The following PXDNL variants were observed in gnomAD, a reference collection of about 807,000 sequenced individuals.
PXDNL encodes the protein peroxidasin like.
Under a neutral mutation model 150.8 loss-of-function variants are expected in PXDNL, and 145 were observed. The observed-to-expected ratio is 0.96, with a 90% CI of 0.84 to 1.10. The LOEUF is 1.10. Among genes scored for constraint, PXDNL ranks in the 50% least tolerant of loss-of-function variants. The pLI, the probability that PXDNL is intolerant of heterozygous loss-of-function variation, is 0.00. For missense variants in PXDNL, 2,087 were observed against 1,873.9 expected (o/e 1.11, Z -2.10); for synonymous variants, 757 against 725.7 (o/e 1.04, Z -0.69).
chr8:51,679,085 G>T (rs1815690116), intron 1 of PXDNL, among the ~76,000 whole-genome samples: 1 of 152,214 alleles, frequency 6.6e-6, no homozygotes, highest in Non-Finnish European at 1.5e-5. Context: ...TCAGGTGGAT[G>T]CAGTCCTATG....
At chr8:51,559,202 A>G (rs985970127) in intron 3 of PXDNL, among the ~76,000 whole-genome samples, 7 of 151,858 alleles carry the variant, frequency 4.6e-5, no homozygotes, top group Non-Finnish European at 7.4e-5. Flanking sequence ...GAGAACTATA[A>G]TCTTCATGGG....
rs1018647002 is a variant in PXDNL at position 51,735,277 on chromosome 8, T to A, written c.164+73904A>T. On this transcript the variant is annotated intron_variant, in intron 1 of 22. Transcript: ENST00000356297. The stretch of plus-strand genomic sequence containing the variant: ...GAGTGGATCACTTGAGGTCAGGAGT[T>A]TGAGATCAGCCTGGTCAACATGGTG... 2.0e-5 allele frequency among the ~76,000 whole-genome samples: 3 copies of A among 151,918 alleles called. No homozygotes were observed. The East Asian group carries it at 5.9e-4, about 30-fold the overall frequency.
intron 17 of PXDNL, among the ~76,000 whole-genome samples, chr8:51,386,303 G>T (rs1807708590): frequency 6.6e-6 from 1 of 152,040 alleles, no homozygotes; most frequent in Non-Finnish European, 1.5e-5. Context: ...ATATCGGCCA[G>T]GCTGGTCTCG....
intron 1 of PXDNL, among the ~76,000 whole-genome samples, chr8:51,691,240 T>G (rs1462361934): frequency 1.3e-5 from 2 of 152,224 alleles, no homozygotes; most frequent in Non-Finnish European, 2.9e-5. Context: ...ATGAAGTCCT[T>G]GCCCATGCCT....
At chr8:51,641,931 C>T (rs1437436461) in intron 2 of PXDNL, among the ~76,000 whole-genome samples, 1 of 152,026 alleles carries the variant, frequency 6.6e-6, no homozygotes, top group African/African-American at 2.4e-5. Context: ...GCTCTATTCA[C>T]AATAGCAAAG....
intron 3 of PXDNL, among the ~76,000 whole-genome samples, chr8:51,588,546 A>G (rs1813376330): frequency 6.6e-6 from 1 of 152,230 alleles, no homozygotes; most frequent in African/African-American, 2.4e-5. Context: ...TGTGTATGTA[A>G]TTGATCCAAG....
chr8:51,493,003 C>T (rs555075950), intron 5 of PXDNL, among the ~76,000 whole-genome samples: 24 of 152,304 alleles, frequency 1.6e-4, no homozygotes, highest in African/African-American at 5.8e-4. Context: ...GTCTCTGAAC[C>T]CTGAGTAGCC....
intron 2 of PXDNL, among the ~76,000 whole-genome samples, chr8:51,625,639 A>G (rs1356243747): frequency 6.6e-6 from 1 of 152,214 alleles, no homozygotes; most frequent in Non-Finnish European, 1.5e-5. Context: ...TGATCAGAAC[A>G]TGATAGCACA....
intron 12 of PXDNL, among the ~76,000 whole-genome samples, chr8:51,433,657 C>T (rs10086763): frequency 0.038 from 5,765 of 152,182 alleles, 342 homozygotes; most frequent in African/African-American, 0.13. Context: ...TGCTGGTTTC[C>T]TAATTCATCA....
At chr8:51,559,829 G>A (rs2130553783) in intron 3 of PXDNL, among the ~76,000 whole-genome samples, 1 of 152,032 alleles carries the variant, frequency 6.6e-6, no homozygotes, top group East Asian at 1.9e-4. Flanking sequence ...GTATTAACAG[G>A]AAAGAAGAAA....
intron 1 of PXDNL, among the ~76,000 whole-genome samples, chr8:51,714,114 T>A (rs1816557859): frequency 6.6e-6 from 1 of 152,216 alleles, no homozygotes; most frequent in Non-Finnish European, 1.5e-5. Flanking sequence ...ATTAGAATAT[T>A]GTAATAAGTA....
chr8:51,606,450 G>A (rs1813838476), intron 2 of PXDNL, among the ~76,000 whole-genome samples: 1 of 152,126 alleles, frequency 6.6e-6, no homozygotes, highest in African/African-American at 2.4e-5. Context: ...ATTGTAAAAG[G>A]CAAAATACAA....
chr8:51,791,498 C>A (rs1228439012), intron 1 of PXDNL, among the ~76,000 whole-genome samples: 4 of 152,184 alleles, frequency 2.6e-5, no homozygotes, highest in Non-Finnish European at 5.9e-5. Context: ...TCAGAGAGTA[C>A]CCAGGGATTG....
intron 7 of PXDNL, among the ~76,000 whole-genome samples, chr8:51,473,330 C>G (rs570805333): frequency 4.1e-5 from 5 of 121,384 alleles, no homozygotes; most frequent in Non-Finnish European, 5.8e-5. Context: ...TTAACATATG[C>G]GGCAAATGCT....
At chr8:51,586,734 T>C (rs1746242380) in intron 3 of PXDNL, among the ~76,000 whole-genome samples, 1 of 152,184 alleles carries the variant, frequency 6.6e-6, no homozygotes, top group African/African-American at 2.4e-5. Flanking sequence ...AAGGATACAA[T>C]TGCAAGTGAC....
chr8:51,436,613 C>T (rs2129846544), intron 12 of PXDNL: 1 of 191,838 alleles, frequency 5.2e-6, no homozygotes, highest in South Asian at 1.1e-4. Context: ...TGAATGATCA[C>T]TGGGTCAACA....
At position 51,408,580 on chromosome 8, in the gene PXDNL, C is replaced by T. The variant is rs769611427; in HGVS notation, c.3044G>A (p.Ser1015Asn). 11 of 1,612,792 alleles carry T rather than the reference C, an allele frequency of 6.8e-6. No individual in the cohort carries two copies. In the South Asian group the frequency reaches 1.2e-4, roughly 18 times the overall value. ...VGAELQHITY[S>N]HWLPKVLGDP... ...CCCCAGGACCTTAGGCAGCCAGTGG[C>T]TGTAGGTGATGTGCTGCAGCTCCGC... Residue 1015 changes from serine to asparagine, a missense_variant, in exon 17 of 23, where the codon AGC becomes AAC. Ser to Asn is a conservative substitution (Grantham distance 46). Coordinates refer to ENST00000356297, the MANE Select transcript of PXDNL (RefSeq NM_144651.5).
intron 4 of PXDNL, among the ~76,000 whole-genome samples, chr8:51,512,878 A>G (rs1811451606): frequency 6.6e-6 from 1 of 152,176 alleles, no homozygotes; most frequent in Non-Finnish European, 1.5e-5. Flanking sequence ...TTAGGACACT[A>G]GTCTGCCATC....
chr8:51,577,999 G>GAAAGAAAGAAAGAAAGAAAGAGGA (rs1409948869), intron 3 of PXDNL, among the ~76,000 whole-genome samples: 1 of 31,524 alleles, frequency 3.2e-5, no homozygotes, highest in Non-Finnish European at 6.2e-5. Context: ...AAGAAAGAAA[G>GAAAGAAAGAAAGAAAGAAAGAGGA]AGGAAGGAAG....
Sources: allele counts gnomAD v4.1 joint callset (sites outside exome capture counted in the v4.1 genomes callset), GRCh38; gene constraint gnomAD v4.1.1; transcripts MANE v1.5; gene names NCBI Gene and HGNC (gene_info 2026-07-23, HGNC 2026-07-21).